ZC3H7A: variants seen among roughly 807,000 people sequenced by gnomAD.
The protein encoded by ZC3H7A is zinc finger CCCH domain-containing protein 7A.
A neutral mutation model predicts 125.5 loss-of-function variants in ZC3H7A; 44 were observed. The ratio of observed to expected loss-of-function variants is 0.35; its 90% CI spans 0.28 to 0.45. The LOEUF is 0.45. Among genes scored for constraint, ZC3H7A ranks in the 20% least tolerant of loss-of-function variants. The pLI, the probability that ZC3H7A is intolerant of heterozygous loss-of-function variation, is 1.00. For missense variants in ZC3H7A, 977 were observed against 1,170.7 expected, an observed-to-expected ratio of 0.83 and a Z score of 2.41; for synonymous variants, 399 against 391.2, an observed-to-expected ratio of 1.02 and a Z score of -0.23.
rs1301846214 is a variant in ZC3H7A at position 11,765,162 on chromosome 16, G to C, written c.1720-9C>G. 6.8e-7 allele frequency: 1 copy of C among 1,464,854 alleles called. No homozygotes were observed. Among genetic ancestry groups the C allele is most frequent in the Non-Finnish European group, 9.2e-7 (1 of 1,083,868 alleles). The allele number at this position is 1,464,854 out of a possible 1,614,324, so 90.7% of individuals were successfully genotyped here. A position where few individuals can be genotyped will look rare whatever the true frequency, so the allele number is the denominator to read the frequency against. ...TTATGATCAAAACATTTCTGGAATA[G>C]AGAGAGAAAGATTATCAAAAAAAAT... On this transcript the variant is annotated splice_polypyrimidine_tract_variant and intron_variant, in intron 14 of 22. Transcript: ENST00000355758. This position sits in a 1 kb window ranked among gnomAD's most constrained non-coding sequence, Gnocchi z 4.8.
At chr16:11,772,587 A>G (rs1372907611) in intron 9 of ZC3H7A, among the ~76,000 whole-genome samples, 2 of 151,746 alleles carry the variant, frequency 1.3e-5, no homozygotes, top group East Asian at 3.9e-4. Flanking sequence ...GCACACTGAC[A>G]CCATCTATTA....
At chr16:11,788,716 C>T (rs1306077599) in intron 1 of ZC3H7A, among the ~76,000 whole-genome samples, 1 of 150,946 alleles carries the variant, frequency 6.6e-6, no homozygotes, top group African/African-American at 2.4e-5. Context: ...TGGGTTCAAG[C>T]GATTATCCTG....
chr16:11,769,790 T>TTTTTTC (rs1350669778), intron 10 of ZC3H7A, among the ~76,000 whole-genome samples: 1 of 69,970 alleles, frequency 1.4e-5, no homozygotes, highest in African/African-American at 5.2e-5. Flanking sequence ...CTTTCTTTTT[T>TTTTTTC]TTTTTTTTTT....
chr16:11,790,709 T>C (rs1296009015), intron 1 of ZC3H7A, among the ~76,000 whole-genome samples: 1 of 151,982 alleles, frequency 6.6e-6, no homozygotes, highest in African/African-American at 2.4e-5. Flanking sequence ...CCGGCTAATT[T>C]TGTATTTTTA....
chr16:11,761,215 A>C (rs774233828), intron 19 of ZC3H7A, among the ~76,000 whole-genome samples, 191 bp downstream of exon 19: 1 of 152,208 alleles, frequency 6.6e-6, no homozygotes, highest in African/African-American at 2.4e-5. Flanking sequence ...ATAAAATTCC[A>C]ATCAATATGA....
At chr16:11,775,123 A>C in intron 7 of ZC3H7A, 110 bp from the exon 8 acceptor site, 1 of 1,196,260 alleles carries the variant, frequency 8.4e-7, no homozygotes, top group Non-Finnish European at 1.2e-6. Flanking sequence ...CTGTAATCCC[A>C]GCACCTGGGG....
At chr16:11,754,713 G>GA (rs1403619358) in intron 21 of ZC3H7A, among the ~76,000 whole-genome samples, 1 of 151,700 alleles carries the variant, frequency 6.6e-6, no homozygotes. Flanking sequence ...CCAACATGGT[G>GA]AAACTCCGTC....
At chr16:11,775,688 C>A (rs1044456872) in intron 7 of ZC3H7A, 16 of 151,992 alleles carry the variant, frequency 1.1e-4, no homozygotes, top group African/African-American at 3.6e-4. Flanking sequence ...CAAAAAAAAA[C>A]CCTTTGTTAA....
At chr16:11,769,439 G>A (rs1567381293) in intron 10 of ZC3H7A, among the ~76,000 whole-genome samples, 1 of 151,950 alleles carries the variant, frequency 6.6e-6, no homozygotes, top group Non-Finnish European at 1.5e-5. Context: ...AGGTGCGGTG[G>A]CTCACACCTG....
Position 11,751,958 on chromosome 16 carries a change from T to C in ZC3H7A, c.2727-452A>G, listed in dbSNP as rs1268023068. Among the ~76,000 whole-genome samples, 4 of 146,664 alleles carry C rather than the reference T, an allele frequency of 2.7e-5. No individual in the cohort carries two copies. The East Asian group carries it at 8.4e-4, about 31-fold the overall frequency. The stretch of plus-strand genomic sequence containing the variant: ...TCACTGTTTGTTGCCCAGGCTGAAG[T>C]GCAGTAACGCAACCTCGGCTCACTA... On this transcript the variant is annotated intron_variant, in intron 22 of 22. Coordinates refer to ENST00000355758, the MANE Select transcript of ZC3H7A (RefSeq NM_014153.4).
At chr16:11,789,546 G>A (rs1044169067) in intron 1 of ZC3H7A, among the ~76,000 whole-genome samples, 1 of 152,146 alleles carries the variant, frequency 6.6e-6, no homozygotes. Context: ...GAGCCACTGC[G>A]CCCGGCCGTG....
At chr16:11,789,419 T>C (rs1257889130) in intron 1 of ZC3H7A, among the ~76,000 whole-genome samples, 1 of 152,034 alleles carries the variant, frequency 6.6e-6, no homozygotes, top group East Asian at 1.9e-4. Flanking sequence ...CAGGCCTGGC[T>C]AATTTTTGTA....
chr16:11,772,065 G>A (rs892399371), intron 9 of ZC3H7A, among the ~76,000 whole-genome samples: 9 of 151,770 alleles, frequency 5.9e-5, no homozygotes, highest in Non-Finnish European at 1.2e-4. Context: ...GCGTGGTAGC[G>A]GGCACCTGTA....
At position 11,759,797 on chromosome 16, in the gene ZC3H7A, C is replaced by G. The variant is rs1253111075; in HGVS notation, c.2320-1258G>C. 2.0e-5 allele frequency: 3 copies of G among 152,244 alleles called. No individual in the cohort carries two copies. The South Asian group carries it at 6.2e-4, about 32-fold the overall frequency. 9.4% of individuals were successfully genotyped at this position (152,244 alleles called of 1,614,324 possible). ...CACTCTCTACACACATACACACATA[C>G]AGTATAATTTCTTCTTTAAGAAAAA... On this transcript the variant is annotated intron_variant, in intron 19 of 22. Coordinates refer to ENST00000355758, the MANE Select transcript of ZC3H7A (RefSeq NM_014153.4).
At chr16:11,794,302 C>G (rs1289203675) in intron 1 of ZC3H7A, among the ~76,000 whole-genome samples, 1 of 152,176 alleles carries the variant, frequency 6.6e-6, no homozygotes, top group Non-Finnish European at 1.5e-5. Context: ...AAGCTTCCCG[C>G]TTTCTATTTG....
At chr16:11,777,449 AG>A (rs144420305) in intron 4 of ZC3H7A, among the ~76,000 whole-genome samples, 5,350 of 152,306 alleles carry the variant, frequency 0.035, 329 homozygotes, top group African/African-American at 0.12. Context: ...GGTTGGGCAC[AG>A]TGCCTCACAG....
chr16:11,769,152 A>G (rs2052922441), intron 10 of ZC3H7A, 57 bp from the exon 11 acceptor site: 1 of 1,472,382 alleles, frequency 6.8e-7, no homozygotes, highest in East Asian at 2.3e-5. Context: ...TAATAAGAAC[A>G]TCAGGGCTTA....
In ZC3H7A at chr16:11,758,411, C is replaced by T. The variant is rs367794970; in HGVS notation, c.2428+20G>A. Reference sequence around the variant, plus strand: ...TTTCAGGCAAGCTAGCTCAAGGACACAGCTAAAAGATTAACTTACTCCCAT... The same window carrying T: ...TTTCAGGCAAGCTAGCTCAAGGACATAGCTAAAAGATTAACTTACTCCCAT... On this transcript the variant is annotated intron_variant, in intron 20 of 22. Coordinates refer to ENST00000355758, the MANE Select transcript of ZC3H7A (RefSeq NM_014153.4). 1.0e-4 allele frequency: 159 copies of T among 1,567,566 alleles called. No individual in the cohort carries two copies. In the African/African-American group the frequency reaches 2.0e-3, roughly 19 times the overall value.
intron 19 of ZC3H7A, among the ~76,000 whole-genome samples, chr16:11,760,140 A>AAAAAAAG (rs1567374789): frequency 4.7e-5 from 7 of 149,586 alleles, no homozygotes; most frequent in African/African-American, 1.7e-4. Flanking sequence ...AAAAAAAAAA[A>AAAAAAAG]AAAAAGAAAA....
Sources: allele counts gnomAD v4.1 joint callset (sites outside exome capture counted in the v4.1 genomes callset), GRCh38; gene constraint gnomAD v4.1.1; non-coding constraint Gnocchi (gnomAD v3.1); transcripts MANE v1.5; gene names NCBI Gene and HGNC (gene_info 2026-07-23, HGNC 2026-07-21).